The following ATG7 variants were observed in gnomAD, a reference collection of about 807,000 sequenced individuals.
The protein encoded by ATG7 is autophagy related 7.
In ATG7, 70 loss-of-function variants were observed where a neutral mutation model predicts 82.4. The ratio of observed to expected loss-of-function variants is 0.85; its 90% confidence interval spans 0.70 to 1.04. ATG7 has a LOEUF of 1.04. Ranked by LOEUF, ATG7 falls within the 50% of genes least tolerant of loss-of-function variation. ATG7 has a pLI of 0.00. For synonymous variants in ATG7, 287 were observed against 313.0 expected, an observed-to-expected ratio of 0.92 and a Z score of 0.88; for missense variants, 792 against 864.3, an observed-to-expected ratio of 0.92 and a Z score of 1.05.
At chr3:11,395,965 A>AGC (rs2079214165) in intron 19 of ATG7, among the ~76,000 whole-genome samples, 3 of 78,084 alleles carry the variant, frequency 3.8e-5, no homozygotes, top group African/African-American at 1.7e-4. Flanking sequence ...AAAAAAAAAA[A>AGC]GGTAGGGGGG....
chr3:11,432,763 T>TC (rs2083019347), intron 20 of ATG7, among the ~76,000 whole-genome samples: 1 of 152,262 alleles, frequency 6.6e-6, no homozygotes, highest in South Asian at 2.1e-4. Flanking sequence ...CTCAGCTTTC[T>TC]TCCCTCTTAA....
downstream of ATG7, chr3:11,559,368 C>T (rs776396237): frequency 1.2e-5 from 18 of 1,551,518 alleles, no homozygotes; most frequent in South Asian, 2.4e-5. Flanking sequence ...GGCCCGGGCG[C>T]GGCACAGCCG....
At chr3:11,569,034 C>A in the ATG7 span, 2 of 729,934 alleles carry the variant, frequency 2.7e-6, no homozygotes, top group Middle Eastern at 6.4e-4. Flanking sequence ...AAGCCACACG[C>A]TCTCTAAGCT....
intron 19 of ATG7, among the ~76,000 whole-genome samples, chr3:11,396,175 A>G (rs953571159): frequency 2.0e-5 from 3 of 151,928 alleles, no homozygotes; most frequent in African/African-American, 7.2e-5. Flanking sequence ...GGCCAGGCAC[A>G]GTGGCTCATG....
In ATG7 at chr3:11,342,308, C is replaced by T. The variant is rs773763681; in HGVS notation, c.1125+29C>T. On this transcript the variant is annotated intron_variant, in intron 13 of 20. Coordinates refer to ENST00000693202, the MANE Select transcript of ATG7 (RefSeq NM_001349232.2). ...AGTCGGAGGTGGGGGGTGCAAATGG[C>T]ACCTTTGAAGTTGTAGCTTCTCTTC... 4 of 1,596,850 alleles carry T rather than the reference C, an allele frequency of 2.5e-6. No homozygotes were observed. The African/African-American group carries it at 4.0e-5, about 16-fold the overall frequency.
intron 3 of ATG7, among the ~76,000 whole-genome samples, chr3:11,284,849 CTT>C (rs34240225): frequency 1.1e-4 from 12 of 113,786 alleles, no homozygotes; most frequent in South Asian, 2.8e-4. Flanking sequence ...TGTGCCTGGC[CTT>C]TTTTTTTTTT....
intron 1 of ATG7, among the ~76,000 whole-genome samples, chr3:11,278,391 A>G (rs930063097): frequency 3.3e-5 from 5 of 152,248 alleles, no homozygotes; most frequent in African/African-American, 1.2e-4. Context: ...ATATATGTCC[A>G]TATTAAAATG....
Position 11,556,423 on chromosome 3 carries a change from T to A in ATG7, c.*1580T>A, listed in dbSNP as rs1334222949. ...GACCCCTCCCAGAGTGACGCCCTTG[T>A]TCACTGACAAAGAGACCTGTCCCAG... On this transcript the variant is annotated 3_prime_UTR_variant, in exon 21 of 21. Transcript: ENST00000693202. 2.0e-5 allele frequency: 3 copies of A among 152,826 alleles called. No homozygotes were observed. The highest frequency in any genetic ancestry group is 7.2e-5 in the African/African-American group (3 of 41,428). The allele number at this position is 152,826 out of a possible 1,614,324, so 9.5% of individuals were successfully genotyped here. A position where few individuals can be genotyped will look rare whatever the true frequency, so the allele number is the denominator to read the frequency against.
chr3:11,379,691 G>C (rs908535457), intron 18 of ATG7, among the ~76,000 whole-genome samples: 1 of 152,182 alleles, frequency 6.6e-6, no homozygotes, highest in Non-Finnish European at 1.5e-5. Context: ...AGATACTACA[G>C]CTTGCTTTTT....
intron 19 of ATG7, among the ~76,000 whole-genome samples, chr3:11,402,342 A>G (rs942065514): frequency 3.9e-5 from 6 of 152,222 alleles, no homozygotes; most frequent in Admixed American, 6.5e-5. Context: ...CTGAGGTGGG[A>G]GGATTGCTTG....
chr3:11,348,180 C>T (rs1159256693), intron 14 of ATG7, 145 bp downstream of exon 14: 9 of 1,158,120 alleles, frequency 7.8e-6, no homozygotes, highest in Non-Finnish European at 1.1e-5. Context: ...CCTCTGTTTC[C>T]TCATCTCAGA....
chr3:11,308,734 G>GT, intron 6 of ATG7: 1 of 549,116 alleles, frequency 1.8e-6, no homozygotes, highest in Middle Eastern at 5.0e-4. Context: ...TGCCCCCTCG[G>GT]TGCTGAGATC....
At chr3:11,316,373 T>G (rs868522398) in intron 9 of ATG7, among the ~76,000 whole-genome samples, 8 of 152,210 alleles carry the variant, frequency 5.3e-5, no homozygotes, top group Admixed American at 3.9e-4. Context: ...GTCAGATACA[T>G]CTAAAACTTT....
intron 20 of ATG7, among the ~76,000 whole-genome samples, chr3:11,429,413 T>C (rs1467630619): frequency 6.6e-6 from 1 of 151,914 alleles, no homozygotes; most frequent in Non-Finnish European, 1.5e-5. Flanking sequence ...GGAGAGTGAC[T>C]TGAACCCGGG....
intron 6 of ATG7, among the ~76,000 whole-genome samples, chr3:11,308,274 T>G (rs2594967): frequency 0.84 from 128,479 of 152,270 alleles, 54,398 homozygotes; most frequent in East Asian, 1. Flanking sequence ...ACGAATCTTA[T>G]CTACAAAAAC....
At chr3:11,314,213 G>A (rs757973032) in intron 8 of ATG7, among the ~76,000 whole-genome samples, 28 of 152,312 alleles carry the variant, frequency 1.8e-4, no homozygotes, top group Middle Eastern at 3.4e-3. Flanking sequence ...ATGGTTCCCA[G>A]AAGAGCAGTT....
At chr3:11,527,277 G>C (rs1308377452) in intron 20 of ATG7, among the ~76,000 whole-genome samples, 6 of 151,930 alleles carry the variant, frequency 3.9e-5, no homozygotes, top group African/African-American at 7.3e-5. Flanking sequence ...GCTAATTTTT[G>C]TATTTTTGGC....
At chr3:11,370,495 T>C (rs1007639432) in intron 18 of ATG7, among the ~76,000 whole-genome samples, 2 of 151,176 alleles carry the variant, frequency 1.3e-5, no homozygotes, top group African/African-American at 4.9e-5. Flanking sequence ...CGATCTGGAG[T>C]TTGGAGTTAG....
chr3:11,494,086 C>G (rs566949189), intron 20 of ATG7, among the ~76,000 whole-genome samples: 1 of 152,220 alleles, frequency 6.6e-6, no homozygotes, highest in Non-Finnish European at 1.5e-5. Flanking sequence ...GCTTGCCACA[C>G]AGAAAGCCAA....
Sources: allele counts gnomAD v4.1 joint callset (sites outside exome capture counted in the v4.1 genomes callset), GRCh38; gene constraint gnomAD v4.1.1; transcripts MANE v1.5; gene names NCBI Gene and HGNC (gene_info 2026-07-23, HGNC 2026-07-21).